The following PTPRD variants were observed in gnomAD, a reference collection of about 807,000 sequenced individuals.
PTPRD encodes protein tyrosine phosphatase receptor type D.
In PTPRD, 34 loss-of-function variants were observed where a neutral mutation model predicts 214.5. The ratio of observed to expected loss-of-function variants is 0.16; its 90% CI spans 0.12 to 0.21. PTPRD has a LOEUF of 0.21. PTPRD is among the 10% of genes least tolerant of loss of function. The pLI is 1.00. For missense variants in PTPRD, 2,545 were observed against 2,398.7 expected (o/e 1.06, Z -1.27); for synonymous variants, 1,128 against 845.7 (o/e 1.33, Z -5.79).
chr9:9,165,916 C>G (rs549193589), intron 10 of PTPRD, among the ~76,000 whole-genome samples: 19 of 152,222 alleles, frequency 1.2e-4, no homozygotes, highest in Admixed American at 3.9e-4. Flanking sequence ...AAACAACCAA[C>G]TATAATCACA....
At position 8,316,987 on chromosome 9, in the gene PTPRD, G is replaced by GTATA. The variant is rs949743864; in HGVS notation, c.*886_*887insTATA. ...AAAATATGGATATATATGTATATAT[G>GTATA]TTAGCAGCAACTTTATACTTTGCGC... On this transcript the variant is annotated 3_prime_UTR_variant, in exon 46 of 46. Coordinates refer to ENST00000381196, the MANE Select transcript of PTPRD (RefSeq NM_002839.4). 1 of 231,586 alleles carries GTATA rather than the reference G, an allele frequency of 4.3e-6. No homozygotes were observed. 14.3% of individuals were successfully genotyped at this position (231,586 alleles called of 1,614,324 possible). A position where few individuals can be genotyped will look rare whatever the true frequency, so the allele number is the denominator to read the frequency against.
At position 8,835,849 on chromosome 9, in the gene PTPRD, C is replaced by T. The variant is rs150748760; in HGVS notation, c.-103-101903G>A. Reference sequence around the variant, plus strand: ...CACTTCACCTGGCAATTTTATTCTTCATAATACTCACCATTATGGATTCAT... The same window carrying T: ...CACTTCACCTGGCAATTTTATTCTTTATAATACTCACCATTATGGATTCAT... On this transcript the variant is annotated intron_variant, in intron 11 of 45. Transcript: ENST00000381196. 4.1e-3 allele frequency among the ~76,000 whole-genome samples: 630 copies of T among 152,234 alleles called. 7 individuals are homozygous for T. Among genetic ancestry groups the T allele is most frequent in the South Asian group, 0.027 (129 of 4,824 alleles).
At chr9:9,915,557 G>A (rs534367486) in intron 5 of PTPRD, among the ~76,000 whole-genome samples, 1 of 150,538 alleles carries the variant, frequency 6.6e-6, no homozygotes, top group South Asian at 2.1e-4. Context: ...GAACCAAACA[G>A]AAGTACTAAA....
intron 14 of PTPRD, among the ~76,000 whole-genome samples, chr9:8,622,874 T>C (rs992243692): frequency 4.6e-5 from 7 of 151,882 alleles, no homozygotes; most frequent in Non-Finnish European, 1.0e-4. Flanking sequence ...AGCAGCGGCT[T>C]ATGCCTGTAA....
In PTPRD at chr9:8,317,181, G is replaced by T. The variant is rs571692356; in HGVS notation, c.*693C>A. On this transcript the variant is annotated 3_prime_UTR_variant, in exon 46 of 46. Coordinates refer to ENST00000381196, the MANE Select transcript of PTPRD (RefSeq NM_002839.4). ...AAATGTGCAAATTTTCAAATGATTTGATATTTCTACAGCAAGATATTACAG... is the reference window on the plus strand; with the variant it reads ...AAATGTGCAAATTTTCAAATGATTTTATATTTCTACAGCAAGATATTACAG... 4.3e-6 allele frequency: 1 copy of T among 231,722 alleles called. No individual in the cohort carries two copies. The highest frequency in any genetic ancestry group is 6.1e-5 in the East Asian group (1 of 16,336). The allele number at this position is 231,722 out of a possible 1,614,324, so 14.4% of individuals were successfully genotyped here.
intron 3 of PTPRD, among the ~76,000 whole-genome samples, chr9:10,316,641 T>C (rs889312770): frequency 6.6e-6 from 1 of 151,980 alleles, no homozygotes; most frequent in Non-Finnish European, 1.5e-5. Context: ...AACACAATTC[T>C]CAAAATGTTA....
chr9:8,723,310 C>A (rs956426285), intron 12 of PTPRD, among the ~76,000 whole-genome samples: 1 of 152,130 alleles, frequency 6.6e-6, no homozygotes, highest in African/African-American at 2.4e-5. Flanking sequence ...TCAGTAACAC[C>A]TTCCTTGACA....
intron 5 of PTPRD, among the ~76,000 whole-genome samples, chr9:9,913,167 T>A (rs2153832179): frequency 6.6e-6 from 1 of 152,296 alleles, no homozygotes; most frequent in African/African-American, 2.4e-5. Context: ...CTATATAAAT[T>A]CATTTTTATG....
chr9:9,627,580 C>A (rs192643044), intron 7 of PTPRD, among the ~76,000 whole-genome samples: 15 of 152,284 alleles, frequency 9.9e-5, no homozygotes, highest in Non-Finnish European at 1.9e-4. Context: ...TAAAGTGTAA[C>A]ACAAACTGTA....
intron 10 of PTPRD, among the ~76,000 whole-genome samples, chr9:9,074,037 C>G (rs1333626228): frequency 1.3e-5 from 2 of 151,916 alleles, no homozygotes; most frequent in Non-Finnish European, 2.9e-5. Flanking sequence ...CCTGACACAC[C>G]TAAGATTTCA....
At chr9:9,416,970 T>G (rs2077173482) in intron 8 of PTPRD, among the ~76,000 whole-genome samples, 1 of 152,180 alleles carries the variant, frequency 6.6e-6, no homozygotes, top group South Asian at 2.1e-4. Context: ...TCATAGTTAA[T>G]CTGGGTTTCT....
intron 3 of PTPRD, among the ~76,000 whole-genome samples, chr9:10,159,474 T>C (rs1419433694): frequency 6.6e-6 from 1 of 151,736 alleles, no homozygotes; most frequent in Non-Finnish European, 1.5e-5. Flanking sequence ...GCACAAAAAA[T>C]AACAGCAAAT....
intron 11 of PTPRD, among the ~76,000 whole-genome samples, chr9:8,881,365 T>C (rs1051472419): frequency 5.3e-5 from 8 of 152,234 alleles, no homozygotes; most frequent in African/African-American, 1.9e-4. Flanking sequence ...AACTCACTTC[T>C]AATATATCCA....
chr9:8,852,913 G>C (rs1300029971), intron 11 of PTPRD, among the ~76,000 whole-genome samples: 1 of 152,182 alleles, frequency 6.6e-6, no homozygotes, highest in Admixed American at 6.5e-5. Context: ...TGAGGGAGGA[G>C]GGAGGCACTG....
chr9:9,029,578 G>A (rs1028192544), intron 10 of PTPRD, among the ~76,000 whole-genome samples: 2 of 151,916 alleles, frequency 1.3e-5, no homozygotes, highest in Non-Finnish European at 2.9e-5. Flanking sequence ...CCAGTGACTA[G>A]GCATGGAGAC....
intron 11 of PTPRD, among the ~76,000 whole-genome samples, chr9:8,911,663 A>T (rs1033484616): frequency 3.9e-5 from 6 of 152,170 alleles, no homozygotes; most frequent in Non-Finnish European, 8.8e-5. Context: ...ATTTTTAAAA[A>T]GCAATAGGTG....
chr9:9,247,796 A>C (rs1018922366), intron 9 of PTPRD, among the ~76,000 whole-genome samples: 1 of 152,068 alleles, frequency 6.6e-6, no homozygotes, highest in African/African-American at 2.4e-5. Context: ...ATTGAATCAG[A>C]TTCAATGAGG....
intron 3 of PTPRD, among the ~76,000 whole-genome samples, chr9:10,305,700 T>C (rs2096040442): frequency 1.3e-5 from 2 of 151,982 alleles, no homozygotes; most frequent in Admixed American, 6.6e-5. Context: ...ATTAGAGAAA[T>C]ACAAATCAAA....
intron 9 of PTPRD, among the ~76,000 whole-genome samples, chr9:9,252,847 A>C (rs1474478095): frequency 6.6e-6 from 1 of 152,054 alleles, no homozygotes; most frequent in Non-Finnish European, 1.5e-5. Flanking sequence ...CTTTTGTTAC[A>C]GATAACCAGC....
Sources: gnomAD v4.1 joint callset for allele counts (sites outside exome capture counted in the v4.1 genomes callset) on GRCh38, gnomAD v4.1.1 for gene constraint, MANE v1.5 for transcripts, NCBI Gene and HGNC (gene_info 2026-07-23, HGNC 2026-07-21) for gene names.